The following ABHD5 variants were observed in gnomAD, a reference collection of about 807,000 sequenced individuals.
The protein encoded by ABHD5 is 1-acylglycerol-3-phosphate O-acyltransferase ABHD5.
ABHD5 carries 30 observed loss-of-function variants against 44.9 expected under a neutral mutation model. That is an observed-to-expected ratio of 0.67 (90% CI 0.50 to 0.91). The LOEUF (loss-of-function observed/expected upper bound fraction) is 0.91, where lower values mean the gene tolerates loss of function less well. Among genes scored for constraint, ABHD5 ranks in the 40% least tolerant of loss-of-function variants. The pLI is 0.00. For synonymous variants in ABHD5, 167 were observed against 147.0 expected (o/e 1.14, Z -0.99); for missense variants, 399 against 423.4 (o/e 0.94, Z 0.50).
At position 43,711,867 on chromosome 3, in the gene ABHD5, A is replaced by C; in HGVS notation, c.661+4A>C. On this transcript the variant is annotated splice_donor_region_variant and intron_variant, in intron 4 of 6. Coordinates refer to ENST00000644371, the MANE Select transcript of ABHD5 (RefSeq NM_016006.6). Reference sequence around the variant, plus strand: ...CTAAGGATTGCAGGACCCTTTGGTGAGTGCTTATGTTCTAGGAAAGCAAAA... The same window carrying C: ...CTAAGGATTGCAGGACCCTTTGGTGCGTGCTTATGTTCTAGGAAAGCAAAA... 1 of 1,614,152 alleles carries C rather than the reference A, an allele frequency of 6.2e-7. No homozygotes were observed. The highest frequency in any genetic ancestry group is 8.5e-7 in the Non-Finnish European group (1 of 1,179,998).
rs534485843 is a variant in ABHD5 at position 43,712,101 on chromosome 3, G to A, written c.661+238G>A. 1.7e-3 allele frequency among the ~76,000 whole-genome samples: 252 copies of A among 152,260 alleles called. 1 individual carries two copies. Among genetic ancestry groups the A allele is most frequent in the Middle Eastern group, 3.4e-3 (1 of 292 alleles). Reference sequence around the variant, plus strand: ...ATAATTAGCAAAGCAGAAAAGGAGGGAATGCTGAGGATAAGGTTAGTCAGT... The same window carrying A: ...ATAATTAGCAAAGCAGAAAAGGAGGAAATGCTGAGGATAAGGTTAGTCAGT... On this transcript the variant is annotated intron_variant, in intron 4 of 6. Transcript: ENST00000644371.
chr3:43,710,785 AT>A (rs1182739140), intron 3 of ABHD5, among the ~76,000 whole-genome samples: 1 of 152,156 alleles, frequency 6.6e-6, no homozygotes, highest in Admixed American at 6.5e-5. Flanking sequence ...TTTGGCTGGC[AT>A]TTCTTGGCTG....
chr3:43,716,219 C>T (rs1259936704), intron 5 of ABHD5, among the ~76,000 whole-genome samples: 1 of 152,130 alleles, frequency 6.6e-6, no homozygotes, highest in Non-Finnish European at 1.5e-5. Context: ...AAGATGAGAG[C>T]TGCAGTTCTC....
intron 5 of ABHD5, among the ~76,000 whole-genome samples, chr3:43,717,143 C>G (rs965292430): frequency 6.6e-6 from 1 of 151,196 alleles, no homozygotes; most frequent in Non-Finnish European, 1.5e-5. Flanking sequence ...CAGCTGCACT[C>G]CAGCCTAGGC....
At chr3:43,717,569 T>G in intron 5 of ABHD5, 102 bp from the exon 6 acceptor site, 2 of 1,236,282 alleles carry the variant, frequency 1.6e-6, no homozygotes, top group Non-Finnish European at 2.4e-6. Context: ...TTTTCTTAGG[T>G]GCTGGAAAAG....
chr3:43,732,322 T>G (rs1697250246), intron 7 of ABHD5, among the ~76,000 whole-genome samples: 1 of 151,700 alleles, frequency 6.6e-6, no homozygotes, highest in South Asian at 2.1e-4. Context: ...TCCAGCTACT[T>G]GGGAGGCTGA....
downstream of ABHD5, among the ~76,000 whole-genome samples, chr3:43,723,332 A>G (rs896973526): frequency 2.0e-5 from 3 of 152,204 alleles, no homozygotes; most frequent in Non-Finnish European, 4.4e-5. Flanking sequence ...AAAGTTCTTC[A>G]TGTAAGAATC....
intron 1 of ABHD5, among the ~76,000 whole-genome samples, chr3:43,692,043 G>T (rs776527987): frequency 1.3e-5 from 2 of 152,280 alleles, no homozygotes; most frequent in African/African-American, 2.4e-5. Flanking sequence ...TGTTATGGAG[G>T]TTATTGCCTT....
At chr3:43,733,517 A>C (rs1003236640) in intron 7 of ABHD5, among the ~76,000 whole-genome samples, 3 of 152,276 alleles carry the variant, frequency 2.0e-5, no homozygotes, top group African/African-American at 7.2e-5. Flanking sequence ...TAAAAGGTCA[A>C]AATGTTATGC....
intron 7 of ABHD5, among the ~76,000 whole-genome samples, chr3:43,729,178 C>T (rs1446370867): frequency 6.6e-5 from 10 of 152,124 alleles, no homozygotes; most frequent in Non-Finnish European, 1.3e-4. Context: ...GGATGCACAA[C>T]AGTAACGACT....
rs749889127 is a variant in ABHD5 at position 43,702,270 on chromosome 3, A to G, written c.189A>G (p.Ile63Met). 1 of 1,597,876 alleles carries G rather than the reference A, an allele frequency of 6.3e-7. No homozygotes were observed. The highest frequency in any genetic ancestry group is 2.2e-5 in the East Asian group (1 of 44,516). Residue 63 changes from isoleucine to methionine, a missense_variant, in exon 3 of 7, where the codon ATA becomes ATG. Transcript: ENST00000644371. ...TTCGTATATCTAATGGAAATAAAAT[A>G]TGGACACTGAAGTTCTCTCATAATA... ...EPVRISNGNKIWTLKFSHNIS... is the reference protein window; with the variant it reads ...EPVRISNGNKMWTLKFSHNIS...
At chr3:43,714,142 T>C (rs1305089798) in intron 4 of ABHD5, among the ~76,000 whole-genome samples, 1 of 149,836 alleles carries the variant, frequency 6.7e-6, no homozygotes, top group Non-Finnish European at 1.5e-5. Flanking sequence ...TTTTTCTTTT[T>C]TTTTTTTTTT....
chr3:43,705,125 G>A (rs1372555083), intron 3 of ABHD5, among the ~76,000 whole-genome samples: 2 of 152,138 alleles, frequency 1.3e-5, no homozygotes, highest in Admixed American at 6.6e-5. Context: ...TCTTGAATAG[G>A]TGATTTTGAA....
At chr3:43,690,934 G>T, upstream of ABHD5, 2 of 1,528,162 alleles carry the variant, frequency 1.3e-6, no homozygotes, top group East Asian at 5.4e-5. Context: ...GCCCGGGGCG[G>T]CCCAGTCGGC....
At chr3:43,698,168 C>G (rs559045800) in intron 1 of ABHD5, among the ~76,000 whole-genome samples, 8 of 152,292 alleles carry the variant, frequency 5.3e-5, no homozygotes, top group African/African-American at 1.4e-4. Context: ...TGTTGTCTGT[C>G]ATTATAGTGG....
Position 43,714,365 on chromosome 3 carries a change from C to T in ABHD5, c.662-582C>T, listed in dbSNP as rs371237388. Among the ~76,000 whole-genome samples, 80 of 152,108 alleles carry T rather than the reference C, an allele frequency of 5.3e-4. 1 individual carries two copies. In the South Asian group the frequency reaches 0.017, roughly 32 times the overall value. On this transcript the variant is annotated intron_variant, in intron 4 of 6. Transcript: ENST00000644371. ...GGTCAGGCTGGTCTCGAACTCCTGA[C>T]CTTGTGATCCGCCCACCTCGGTCTC...
intron 7 of ABHD5, among the ~76,000 whole-genome samples, chr3:43,731,382 A>G (rs1211996538): frequency 2.0e-5 from 3 of 152,248 alleles, no homozygotes; most frequent in Non-Finnish European, 4.4e-5. Flanking sequence ...ATGAAGGAAG[A>G]TGATTTTGAA....
chr3:43,717,930 T>C (rs1575607469), intron 6 of ABHD5, 73 bp downstream of exon 6: 2 of 1,593,776 alleles, frequency 1.3e-6, no homozygotes, highest in East Asian at 4.5e-5. Flanking sequence ...AAAAGAGGTT[T>C]TAGGTCATCC....
chr3:43,696,566 GT>G, intron 1 of ABHD5, among the ~76,000 whole-genome samples: 2 of 152,314 alleles, frequency 1.3e-5, no homozygotes, highest in East Asian at 3.9e-4. Flanking sequence ...GGATGGGTAA[GT>G]TTTAAAGGGT....
Sources: gnomAD v4.1 joint callset for allele counts (sites outside exome capture counted in the v4.1 genomes callset) on GRCh38, gnomAD v4.1.1 for gene constraint, MANE v1.5 for transcripts, NCBI Gene and HGNC (gene_info 2026-07-23, HGNC 2026-07-21) for gene names.